Variants in MCPH1 observed in about 807,000 individuals in gnomAD.
The protein encoded by MCPH1 is microcephalin 1, also known as microcephalin.
In MCPH1, 104 loss-of-function variants were observed where a neutral mutation model predicts 84.5. That is an observed-to-expected ratio of 1.23 (90% CI 1.05 to 1.45). The LOEUF (loss-of-function observed/expected upper bound fraction) is 1.45. Among genes scored for constraint, MCPH1 ranks in the 40% most tolerant of loss-of-function variants. The pLI, the probability that MCPH1 is intolerant of heterozygous loss-of-function variation, is 0.00. For synonymous variants in MCPH1, 514 were observed against 366.8 expected (o/e 1.40, Z -4.58); for missense variants, 1,498 against 1,005.7 (o/e 1.49, Z -6.62).
rs572416061 is a variant in MCPH1 at position 6,647,189 on chromosome 8, T to C, written c.*4140T>C. On this transcript the variant is annotated 3_prime_UTR_variant, in exon 14 of 14. Coordinates refer to ENST00000344683, the MANE Select transcript of MCPH1 (RefSeq NM_024596.5). ...ACATTAAAATGCTCAATATTATTAG[T>C]CACTAGGGAAATACAAATTAAAGGC... The C allele has an allele frequency of 6.6e-6, 1 of 152,258 alleles. No homozygotes were observed. Among genetic ancestry groups the C allele is most frequent in the Admixed American group, 6.5e-5 (1 of 15,296 alleles). The allele number at this position is 152,258 out of a possible 1,614,324, so 9.4% of individuals were successfully genotyped here. A position where few individuals can be genotyped will look rare whatever the true frequency, so the allele number is the denominator to read the frequency against.
intron 5 of MCPH1, among the ~76,000 whole-genome samples, chr8:6,437,493 T>C (rs1208969838): frequency 6.6e-6 from 1 of 152,148 alleles, no homozygotes; most frequent in African/African-American, 2.4e-5. Context: ...CCTCCCAAAG[T>C]GCTGGGATTA....
chr8:6,469,314 G>A (rs56690675), intron 9 of MCPH1, among the ~76,000 whole-genome samples: 13,516 of 152,250 alleles, frequency 0.089, 846 homozygotes, highest in East Asian at 0.22. Flanking sequence ...GCTTATTATT[G>A]TATTTAATAA....
At chr8:6,547,020 A>G (rs954843546) in intron 12 of MCPH1, among the ~76,000 whole-genome samples, 8 of 152,142 alleles carry the variant, frequency 5.3e-5, no homozygotes, top group African/African-American at 1.9e-4. Flanking sequence ...CCTCGGAAGA[A>G]GCGTTCTCAG....
At chr8:6,562,875 G>C in intron 12 of MCPH1, 1 of 1,611,164 alleles carries the variant, frequency 6.2e-7, no homozygotes, top group Non-Finnish European at 8.5e-7. Context: ...TCCGAAAGTT[G>C]TTATAGGCTG....
At position 6,621,564 on chromosome 8, in the gene MCPH1, C is replaced by T; in HGVS notation, c.2325C>T (p.Leu775=). The T allele has an allele frequency of 6.2e-7, 1 of 1,614,234 alleles. No homozygotes were observed. Among genetic ancestry groups the T allele is most frequent in the East Asian group, 2.2e-5 (1 of 44,878 alleles). ...CCAGCAGCCCCCCAGTGGCCAAGCT[C>T]TGTGAACTAGTCCACCTGTGCGGAG... ...SPASSPPVAK[L]CELVHLCGGR... The change falls in exon 13 of 14, where the codon CTC becomes CTT. Residue 775 remains leucine, a synonymous_variant. Transcript: ENST00000344683.
At chr8:6,409,795 T>G (rs1229347822) in intron 2 of MCPH1, among the ~76,000 whole-genome samples, 1 of 152,016 alleles carries the variant, frequency 6.6e-6, no homozygotes, top group African/African-American at 2.4e-5. Flanking sequence ...ACCATAGGGG[T>G]CATGTGAAGT....
At chr8:6,613,348 C>T (rs914579570) in intron 12 of MCPH1, among the ~76,000 whole-genome samples, 1 of 152,212 alleles carries the variant, frequency 6.6e-6, no homozygotes, top group African/African-American at 2.4e-5. Context: ...CAGCCAGATT[C>T]ACCCGCGGCG....
chr8:6,600,737 G>T (rs1319409395), intron 12 of MCPH1, among the ~76,000 whole-genome samples: 3 of 152,208 alleles, frequency 2.0e-5, no homozygotes, highest in African/African-American at 7.2e-5. Context: ...CTCTGTGAGG[G>T]TTGTGGCAAT....
chr8:6,409,489 C>T (rs529089345), intron 2 of MCPH1, 119 bp downstream of exon 2: 28 of 794,656 alleles, frequency 3.5e-5, no homozygotes, highest in East Asian at 3.4e-4. Flanking sequence ...AATGGGTAAG[C>T]GGTGGGAGAA....
rs532843846 is a variant in MCPH1, at chr8:6,622,471, G to C, written c.2452+780G>C. Among the ~76,000 whole-genome samples the C allele has an allele frequency of 7.2e-5, 11 of 152,366 alleles. No individual in the cohort carries two copies. The South Asian group carries it at 2.3e-3, about 32-fold the overall frequency. ...TAGAAATTACCTGCCCTGTGGTGGA[G>C]TCATATGTGGCGGGACAAGCCTAGG... On this transcript the variant is annotated intron_variant, in intron 13 of 13. Coordinates refer to ENST00000344683, the MANE Select transcript of MCPH1 (RefSeq NM_024596.5).
intron 6 of MCPH1, among the ~76,000 whole-genome samples, chr8:6,441,849 A>G (rs1381714719): frequency 6.6e-6 from 1 of 152,232 alleles, no homozygotes; most frequent in Non-Finnish European, 1.5e-5. Context: ...AAAATCCATG[A>G]TTATCAAATA....
rs542761717 is a variant in MCPH1, at chr8:6,534,651, T to G, written c.2214+34722T>G. ...AAGTATTAAAAAATTTTTAAAAATT[T>G]AAAAAAATAAAAAATCAGTCACTGA... is the stretch of plus-strand genomic sequence containing the variant. On this transcript the variant is annotated intron_variant, in intron 12 of 13. Coordinates refer to ENST00000344683, the MANE Select transcript of MCPH1 (RefSeq NM_024596.5). Among the ~76,000 whole-genome samples the G allele has an allele frequency of 2.0e-5, 3 of 152,176 alleles. No individual in the cohort carries two copies. The South Asian group carries it at 6.3e-4, about 32-fold the overall frequency.
intron 12 of MCPH1, among the ~76,000 whole-genome samples, chr8:6,526,001 G>A (rs1818253813): frequency 6.6e-6 from 1 of 152,102 alleles, no homozygotes; most frequent in Admixed American, 6.5e-5. Flanking sequence ...TCTACAAACT[G>A]GACATATCCT....
intron 12 of MCPH1, among the ~76,000 whole-genome samples, chr8:6,523,558 G>T (rs1444423800): frequency 6.6e-6 from 1 of 152,092 alleles, no homozygotes; most frequent in Non-Finnish European, 1.5e-5. Context: ...TCAAAGACAT[G>T]CACAGTCAAG....
chr8:6,562,990 A>C, intron 12 of MCPH1: 1 of 1,529,834 alleles, frequency 6.5e-7, no homozygotes, highest in South Asian at 1.3e-5. Context: ...ACACACGTCC[A>C]GAGTCCCGAG....
chr8:6,607,186 G>A (rs1829851263), intron 12 of MCPH1, among the ~76,000 whole-genome samples: 2 of 152,132 alleles, frequency 1.3e-5, no homozygotes, highest in South Asian at 4.1e-4. Context: ...CCTCATTTGG[G>A]AGAGTCTTTC....
At chr8:6,462,830 G>A (rs539254396) in intron 9 of MCPH1, among the ~76,000 whole-genome samples, 1 of 152,310 alleles carries the variant, frequency 6.6e-6, no homozygotes, top group African/African-American at 2.4e-5. Flanking sequence ...ATATAGAAGT[G>A]CTCAAAAAAT....
intron 12 of MCPH1, among the ~76,000 whole-genome samples, chr8:6,547,576 T>C (rs115997957): frequency 0.021 from 3,258 of 152,290 alleles, 121 homozygotes; most frequent in African/African-American, 0.075. Flanking sequence ...AGTAGCACTT[T>C]GGACCACCGT....
intron 12 of MCPH1, chr8:6,563,070 C>A: frequency 1.0e-6 from 1 of 952,682 alleles, no homozygotes; most frequent in Non-Finnish European, 1.5e-6. Context: ...TCTTCTCTTT[C>A]CTCTTTTTCC....
Sources: gnomAD v4.1 joint callset for allele counts (sites outside exome capture counted in the v4.1 genomes callset) on GRCh38, gnomAD v4.1.1 for gene constraint, MANE v1.5 for transcripts, NCBI Gene and HGNC (gene_info 2026-07-23, HGNC 2026-07-21) for gene names.